Variants in RPS6KA5 observed in about 807,000 individuals in gnomAD.
RPS6KA5 encodes the protein ribosomal protein S6 kinase alpha-5.
Under a neutral mutation model 85.5 loss-of-function variants are expected in RPS6KA5, and 27 were observed. The observed-to-expected ratio is 0.32, with a 90% CI of 0.23 to 0.44. The LOEUF (loss-of-function observed/expected upper bound fraction) is 0.44, where lower values mean the gene tolerates loss of function less well. Ranked by LOEUF, RPS6KA5 falls within the 20% of genes least tolerant of loss-of-function variation. The probability of loss-of-function intolerance (pLI) is 1.00; values close to 1 mark genes in which losing one functional copy is unlikely to be tolerated. For missense variants in RPS6KA5, 811 were observed against 980.9 expected (o/e 0.83, Z 2.31); for synonymous variants, 334 against 348.2 (o/e 0.96, Z 0.46).
chr14:90,879,018 T>A (rs1489919914), intron 14 of RPS6KA5, among the ~76,000 whole-genome samples: 2 of 152,204 alleles, frequency 1.3e-5, no homozygotes, highest in East Asian at 3.8e-4. Context: ...CCTGAAGTAT[T>A]CTGGTGCAAG....
chr14:90,915,942 C>T (rs1323640431), intron 7 of RPS6KA5, among the ~76,000 whole-genome samples: 1 of 151,610 alleles, frequency 6.6e-6, no homozygotes, highest in African/African-American at 2.4e-5. Context: ...CCAATCATTC[C>T]AATCAATAAT....
At chr14:90,915,549 G>A (rs1407440427) in intron 7 of RPS6KA5, among the ~76,000 whole-genome samples, 1 of 152,154 alleles carries the variant, frequency 6.6e-6, no homozygotes, top group Non-Finnish European at 1.5e-5. Flanking sequence ...GGCTCATCCT[G>A]TAATCCCAGC....
At position 90,854,988 on chromosome 14, in the gene RPS6KA5, T is replaced by C. The variant is rs1566659224; in HGVS notation, c.*17086A>G. The C allele has an allele frequency of 6.6e-6, 1 of 152,212 alleles. No individual in the cohort carries two copies. The highest frequency in any genetic ancestry group is 6.5e-5 in the Admixed American group (1 of 15,268). The allele number at this position is 152,212 out of a possible 1,614,324, so 9.4% of individuals were successfully genotyped here. On this transcript the variant is annotated 3_prime_UTR_variant, in exon 17 of 17. Transcript: ENST00000614987. ...TATTTACATTTTCTATAAAAGTATT[T>C]TGAAGTTTTAAAAGTCTAATCGATT... is the stretch of plus-strand genomic sequence containing the variant.
At chr14:90,977,868 A>G (rs922565467) in intron 3 of RPS6KA5, among the ~76,000 whole-genome samples, 1 of 152,214 alleles carries the variant, frequency 6.6e-6, no homozygotes. Flanking sequence ...CAGGCTGGCC[A>G]ATATGGCAAA....
rs368756291 is a variant in RPS6KA5, at chr14:91,051,300, C to A, written c.103+9032G>T. Among the ~76,000 whole-genome samples, 255 of 151,532 alleles carry A rather than the reference C, an allele frequency of 1.7e-3. 8 individuals are homozygous for A. In the South Asian group the frequency reaches 0.051, roughly 30 times the overall value. On this transcript the variant is annotated intron_variant, in intron 1 of 16. Transcript: ENST00000614987. The stretch of plus-strand genomic sequence containing the variant: ...TAAATAAATAAAGTAAATCACTAGC[C>A]GGGAATGGTGGCTCATACCTGTAAT...
chr14:90,896,439 G>A (rs1466059955), intron 12 of RPS6KA5, among the ~76,000 whole-genome samples: 3 of 152,194 alleles, frequency 2.0e-5, no homozygotes, highest in Admixed American at 6.5e-5. Flanking sequence ...AGTTGTTCAT[G>A]TCCTAATGCC....
intron 3 of RPS6KA5, among the ~76,000 whole-genome samples, chr14:90,952,365 C>T (rs1342769248): frequency 6.6e-6 from 1 of 152,180 alleles, no homozygotes; most frequent in African/African-American, 2.4e-5. Context: ...GGTAACTTTA[C>T]CCAGACCTGG....
rs1237680849 is a variant in RPS6KA5, at chr14:90,899,356, C to T, written c.1446G>A (p.Val482=). The T allele has an allele frequency of 1.9e-6, 3 of 1,608,900 alleles. No homozygotes were observed. Among genetic ancestry groups the T allele is most frequent in the Admixed American group, 3.4e-5 (2 of 59,428 alleles). Reference sequence around the variant, plus strand: ...GATCATGAAAAACTTCATGCAACTTCACAATATTGGGGTGTCCTTCACAGA... The same window carrying T: ...GATCATGAAAAACTTCATGCAACTTTACAATATTGGGGTGTCCTTCACAGA... ...LKLCEGHPNI[V]KLHEVFHDQL... is the part of the protein sequence containing the mutation. The change falls in exon 12 of 17, where the codon GTG becomes GTA. Residue 482 remains valine (V), a synonymous_variant. Transcript: ENST00000614987.
At position 90,894,634 on chromosome 14, in the gene RPS6KA5, T is replaced by C; in HGVS notation, c.1474-51A>G. ...AGGGCCTTCCTGAAGCACAGAAGTC[T>C]ATTAACATATAAAACATTTATTGAC... On this transcript the variant is annotated intron_variant, in intron 12 of 16. Transcript: ENST00000614987. The C allele has an allele frequency of 1.3e-6, 2 of 1,573,626 alleles. 1 individual carries two copies. The highest frequency in any genetic ancestry group is 2.3e-5 in the South Asian group (2 of 85,234).
At position 91,060,575 on chromosome 14, in the gene RPS6KA5, T is replaced by C; in HGVS notation, c.-141A>G. On this transcript the variant is annotated 5_prime_UTR_variant, in exon 1 of 17. Coordinates refer to ENST00000614987, the MANE Select transcript of RPS6KA5 (RefSeq NM_004755.4). ...GAACTCGGACGCAAAGACGAGTCTCTTTCCCGCTCTGGCCGCACGGCTCGC... is the reference window on the plus strand; with the variant it reads ...GAACTCGGACGCAAAGACGAGTCTCCTTCCCGCTCTGGCCGCACGGCTCGC... 1 of 1,102,548 alleles carries C rather than the reference T, an allele frequency of 9.1e-7. No homozygotes were observed. Among genetic ancestry groups the C allele is most frequent in the Non-Finnish European group, 1.2e-6 (1 of 866,978 alleles). The allele number at this position is 1,102,548 out of a possible 1,614,324, so 68.3% of individuals were successfully genotyped here. A position where few individuals can be genotyped will look rare whatever the true frequency, so the allele number is the denominator to read the frequency against.
chr14:90,985,585 T>C (rs1000490734), intron 2 of RPS6KA5, among the ~76,000 whole-genome samples: 7 of 152,360 alleles, frequency 4.6e-5, no homozygotes, highest in Non-Finnish European at 7.3e-5. Flanking sequence ...TTACTAGCCA[T>C]GCTGCACTTT....
intron 5 of RPS6KA5, among the ~76,000 whole-genome samples, chr14:90,932,742 C>T (rs2037051888): frequency 6.6e-6 from 1 of 152,194 alleles, no homozygotes; most frequent in African/African-American, 2.4e-5. Flanking sequence ...CATGATCACG[C>T]ACAAACTCAC....
intron 3 of RPS6KA5, among the ~76,000 whole-genome samples, chr14:90,953,507 G>A (rs1181868635): frequency 6.6e-6 from 1 of 152,144 alleles, no homozygotes; most frequent in African/African-American, 2.4e-5. Context: ...AAGGAACAAG[G>A]GAAGATAACT....
chr14:90,905,997 AAAAAC>A (rs923456177), intron 8 of RPS6KA5, 147 bp downstream of exon 8: 20 of 700,706 alleles, frequency 2.9e-5, no homozygotes, highest in African/African-American at 1.6e-4. Flanking sequence ...CCCTATCATT[AAAAAC>A]AAAACAAAAC....
At chr14:90,880,716 G>A (rs1252255991) in intron 14 of RPS6KA5, among the ~76,000 whole-genome samples, 1 of 151,754 alleles carries the variant, frequency 6.6e-6, no homozygotes, top group Non-Finnish European at 1.5e-5. Context: ...TTTGCTTCAT[G>A]TACTTTACTG....
chr14:90,943,313 G>A, intron 4 of RPS6KA5, 128 bp from the exon 5 acceptor site: 2 of 580,530 alleles, frequency 3.4e-6, no homozygotes, highest in South Asian at 2.5e-5. Flanking sequence ...ATCCTGTAAT[G>A]GCTCTTGGTG....
chr14:91,054,711 G>A (rs777820639), intron 1 of RPS6KA5, among the ~76,000 whole-genome samples: 8 of 152,010 alleles, frequency 5.3e-5, no homozygotes, highest in Middle Eastern at 3.4e-3. Context: ...AACACTTTGG[G>A]AGGCCGAGGA....
intron 1 of RPS6KA5, among the ~76,000 whole-genome samples, chr14:91,018,024 G>A (rs2041577181): frequency 6.6e-6 from 1 of 152,146 alleles, no homozygotes; most frequent in African/African-American, 2.4e-5. Context: ...ACCATGCCTT[G>A]TGATTAAAGT....
rs184378742 is a variant in RPS6KA5, at chr14:91,036,945, C to A, written c.103+23387G>T. 1.8e-4 allele frequency among the ~76,000 whole-genome samples: 27 copies of A among 152,254 alleles called. No homozygotes were observed. The East Asian group carries it at 4.4e-3, about 25-fold the overall frequency. ...AGATGCACAGTGAGCATGCTCAAGACAAGACACTGTTGGGATAACATGAGT... is the reference window on the plus strand; with the variant it reads ...AGATGCACAGTGAGCATGCTCAAGAAAAGACACTGTTGGGATAACATGAGT... On this transcript the variant is annotated intron_variant, in intron 1 of 16. Transcript: ENST00000614987.
Sources: gnomAD v4.1 joint callset for allele counts (sites outside exome capture counted in the v4.1 genomes callset) on GRCh38, gnomAD v4.1.1 for gene constraint, MANE v1.5 for transcripts, NCBI Gene and HGNC (gene_info 2026-07-23, HGNC 2026-07-21) for gene names.